The following PIEZO2 variants were observed in gnomAD, a reference collection of about 807,000 sequenced individuals.
The protein encoded by PIEZO2 is piezo type mechanosensitive ion channel component 2.
In PIEZO2, 172 loss-of-function variants were observed where a neutral mutation model predicts 337.3. That is an observed-to-expected ratio of 0.51 (90% CI 0.45 to 0.58). The LOEUF is 0.58. Among genes scored for constraint, PIEZO2 ranks in the 20% least tolerant of loss-of-function variants. PIEZO2 has a pLI of 0.00. For synonymous variants in PIEZO2, 1,251 were observed against 1,228.5 expected, an observed-to-expected ratio of 1.02 and a Z score of -0.38; for missense variants, 3,028 against 3,391.3, an observed-to-expected ratio of 0.89 and a Z score of 2.66.
At chr18:11,063,721 G>A (rs1192806526) in intron 2 of PIEZO2, among the ~76,000 whole-genome samples, 1 of 152,194 alleles carries the variant, frequency 6.6e-6, no homozygotes, top group Non-Finnish European at 1.5e-5. Flanking sequence ...ATTGTTTCAG[G>A]TGCAGGCTGC....
chr18:10,741,094 C>T lies in PIEZO2; in HGVS notation c.4645G>A (p.Asp1549Asn). The T allele has an allele frequency of 6.5e-7, 1 of 1,535,426 alleles. No homozygotes were observed. Among genetic ancestry groups the T allele is most frequent in the Non-Finnish European group, 8.7e-7 (1 of 1,146,228 alleles). The change falls in exon 33 of 56, where the codon GAC becomes AAC. Residue 1549 changes from aspartate to asparagine, a missense_variant. Coordinates refer to ENST00000674853, the MANE Select transcript of PIEZO2 (RefSeq NM_001378183.1). Reference sequence around the variant, plus strand: ...TTTTTGCCCTTGGCTTTCTGTTTGTCTGCTTCTCCTAAAATAAAATACGTC... The same window carrying T: ...TTTTTGCCCTTGGCTTTCTGTTTGTTTGCTTCTCCTAAAATAAAATACGTC... ...LSEEDDEREA[D>N]KQKAKGKKKQ...
chr18:10,851,325 G>A (rs2041545958), intron 7 of PIEZO2, among the ~76,000 whole-genome samples: 1 of 151,834 alleles, frequency 6.6e-6, no homozygotes, highest in Admixed American at 6.6e-5. Context: ...CAAGTTAATG[G>A]GGAGGAAATC....
intron 36 of PIEZO2, among the ~76,000 whole-genome samples, chr18:10,723,163 C>CT (rs1196824480): frequency 6.6e-6 from 1 of 151,892 alleles, no homozygotes; most frequent in Non-Finnish European, 1.5e-5. Context: ...GATGGGGTTT[C>CT]TGCATGTTGG....
chr18:10,891,371 T>A (rs979346843), intron 4 of PIEZO2, among the ~76,000 whole-genome samples: 1 of 152,300 alleles, frequency 6.6e-6, no homozygotes, highest in East Asian at 1.9e-4. Flanking sequence ...AGTAAAAAGT[T>A]TGACTACCAT....
intron 1 of PIEZO2, among the ~76,000 whole-genome samples, chr18:11,135,156 A>G (rs1255934824): frequency 6.6e-6 from 1 of 152,212 alleles, no homozygotes; most frequent in African/African-American, 2.4e-5. Flanking sequence ...ATTTCAAACA[A>G]TTTTCAACCT....
Position 10,718,266 on chromosome 18 carries a change from A to G in PIEZO2, c.5030-7T>C. 1 of 1,535,636 alleles carries G rather than the reference A, an allele frequency of 6.5e-7. No homozygotes were observed. Among genetic ancestry groups the G allele is most frequent in the South Asian group, 1.2e-5 (1 of 84,024 alleles). On this transcript the variant is annotated splice_polypyrimidine_tract_variant and splice_region_variant and intron_variant, in intron 36 of 55. Coordinates refer to ENST00000674853, the MANE Select transcript of PIEZO2 (RefSeq NM_001378183.1). ...TCTTCCCATTCCACAGGACCTGCCAAGTGTGTTCAATAAAGATGAGTTAAA... is the reference window on the plus strand; with the variant it reads ...TCTTCCCATTCCACAGGACCTGCCAGGTGTGTTCAATAAAGATGAGTTAAA...
chr18:10,771,856 T>C (rs2038614463), intron 20 of PIEZO2, among the ~76,000 whole-genome samples: 1 of 152,200 alleles, frequency 6.6e-6, no homozygotes, highest in Non-Finnish European at 1.5e-5. Flanking sequence ...CTACACTCCC[T>C]GCCCAGTGGT....
chr18:10,879,648 G>A (rs2042361834), intron 4 of PIEZO2, among the ~76,000 whole-genome samples: 1 of 152,044 alleles, frequency 6.6e-6, no homozygotes, highest in Admixed American at 6.6e-5. Context: ...GCCCGCCTCG[G>A]CCTCCCAAAG....
intron 3 of PIEZO2, among the ~76,000 whole-genome samples, chr18:10,972,941 G>A (rs1477124448): frequency 2.6e-5 from 4 of 152,146 alleles, no homozygotes; most frequent in Non-Finnish European, 4.4e-5. Context: ...GATGATAGCT[G>A]TTATCTTCCT....
chr18:10,988,577 G>A lies in PIEZO2; in HGVS notation c.161-8917C>T, dbSNP rs901674122. Among the ~76,000 whole-genome samples, 1 of 152,112 alleles carries A rather than the reference G, an allele frequency of 6.6e-6. No homozygotes were observed. Among genetic ancestry groups the A allele is most frequent in the African/African-American group, 2.4e-5 (1 of 41,428 alleles). On this transcript the variant is annotated intron_variant, in intron 2 of 55. Coordinates refer to ENST00000674853, the MANE Select transcript of PIEZO2 (RefSeq NM_001378183.1). This position sits in a 1 kb window ranked among gnomAD's most constrained non-coding sequence, Gnocchi z 4.8. ...AGAACTGCTAAATAATCCCACTTCT[G>A]GGTATACATTCAAAATAACTGAAAT...
At chr18:11,075,734 A>T (rs920745954) in intron 1 of PIEZO2, among the ~76,000 whole-genome samples, 2 of 152,018 alleles carry the variant, frequency 1.3e-5, no homozygotes, top group East Asian at 3.9e-4. Context: ...CTTTATGCAC[A>T]CCAAAACGTG....
At position 10,710,960 on chromosome 18, in the gene PIEZO2, A is replaced by G. The variant is rs576729834; in HGVS notation, c.5424-2521T>C. Among the ~76,000 whole-genome samples the G allele has an allele frequency of 1.2e-3, 190 of 152,350 alleles. 4 individuals carry two copies. In the South Asian group the frequency reaches 0.015, roughly 12 times the overall value. ...GTCTCCCCTTTCTTTAGGTTGAAAA[A>G]CAAAATAAAAATACATTAAAACCTA... On this transcript the variant is annotated intron_variant, in intron 39 of 55. Coordinates refer to ENST00000674853, the MANE Select transcript of PIEZO2 (RefSeq NM_001378183.1).
At chr18:10,725,387 C>G in intron 36 of PIEZO2, 2 of 1,606,046 alleles carry the variant, frequency 1.2e-6, no homozygotes, top group South Asian at 2.2e-5. Flanking sequence ...TGGAGAACAG[C>G]CGGCCCACAT....
In PIEZO2 at chr18:10,677,558, T is replaced by A; in HGVS notation, c.8081+189A>T. 1.7e-6 allele frequency: 1 copy of A among 592,312 alleles called. No homozygotes were observed. Among genetic ancestry groups the A allele is most frequent in the South Asian group, 2.1e-5 (1 of 47,670 alleles). 36.7% of individuals were successfully genotyped at this position (592,312 alleles called of 1,614,324 possible). On this transcript the variant is annotated intron_variant, in intron 53 of 55. Coordinates refer to ENST00000674853, the MANE Select transcript of PIEZO2 (RefSeq NM_001378183.1). The surrounding 1 kb of genome is among the most constrained non-coding windows in gnomAD (Gnocchi z 4.1). ...AACATAGACATAACCCTGGGGACAG[T>A]GGACAGAAAACTCCATAGCTGAGAT...
chr18:10,671,589 A>G lies in PIEZO2; in HGVS notation c.8536T>C (p.Leu2846=). 6.2e-7 allele frequency: 1 copy of G among 1,613,914 alleles called. No homozygotes were observed. The highest frequency in any genetic ancestry group is 8.5e-7 in the Non-Finnish European group (1 of 1,179,846). ...TCTGGTGAGCGATATAGGAATATTA[A>G]TTTGGCATAGAGATCTTCTTCTAGC... ...LELEEDLYAK[L]IFLYRSPETM... Residue 2846 remains leucine, a synonymous_variant, in exon 56 of 56, where the codon TTA becomes CTA. Coordinates refer to ENST00000674853, the MANE Select transcript of PIEZO2 (RefSeq NM_001378183.1).
chr18:10,782,077 T>C (rs368764142), intron 17 of PIEZO2, among the ~76,000 whole-genome samples: 8 of 146,416 alleles, frequency 5.5e-5, no homozygotes, highest in South Asian at 4.2e-4. Context: ...AAAATATATA[T>C]ATATATTTAA....
intron 3 of PIEZO2, among the ~76,000 whole-genome samples, chr18:10,948,598 C>T (rs1415949786): frequency 3.9e-5 from 6 of 152,138 alleles, no homozygotes; most frequent in Non-Finnish European, 8.8e-5. Context: ...TGATAGAAAT[C>T]ACTTTGGCGA....
At chr18:10,743,270 A>C (rs1239655018) in intron 31 of PIEZO2, among the ~76,000 whole-genome samples, 1 of 152,212 alleles carries the variant, frequency 6.6e-6, no homozygotes, top group Non-Finnish European at 1.5e-5. Context: ...AAAGCTGGGA[A>C]ATAAGGTCTG....
chr18:10,681,607 G>A, intron 51 of PIEZO2, 54 bp downstream of exon 51: 2 of 1,405,136 alleles, frequency 1.4e-6, no homozygotes, highest in Non-Finnish European at 2.0e-6. Flanking sequence ...GACAATGAGT[G>A]AACTTCCCTA....
Sources: allele counts gnomAD v4.1 joint callset (sites outside exome capture counted in the v4.1 genomes callset), GRCh38; gene constraint gnomAD v4.1.1; non-coding constraint Gnocchi (gnomAD v3.1); transcripts MANE v1.5; gene names NCBI Gene and HGNC (gene_info 2026-07-23, HGNC 2026-07-21).